The following DLC1 variants were observed in gnomAD, a reference collection of about 807,000 sequenced individuals.
DLC1 encodes DLC1 Rho GTPase activating protein, also known as rho GTPase-activating protein 7.
In DLC1, 54 loss-of-function variants were observed where a neutral mutation model predicts 140.3. The observed-to-expected ratio is 0.38, with a 90% CI of 0.31 to 0.48. The LOEUF (loss-of-function observed/expected upper bound fraction) is 0.48. Among genes scored for constraint, DLC1 ranks in the 20% least tolerant of loss-of-function variants. The pLI, the probability that DLC1 is intolerant of heterozygous loss-of-function variation, is 0.96. For missense variants in DLC1, 2,536 were observed against 1,907.0 expected, an observed-to-expected ratio of 1.33 and a Z score of -6.14; for synonymous variants, 986 against 728.1, an observed-to-expected ratio of 1.35 and a Z score of -5.70.
chr8:13,191,933 AT>A (rs1419092565), intron 5 of DLC1, among the ~76,000 whole-genome samples: 1 of 147,304 alleles, frequency 6.8e-6, no homozygotes, highest in Non-Finnish European at 1.5e-5. Flanking sequence ...CCTGATTATT[AT>A]TATTATTATT....
chr8:13,559,304 A>T (rs1348175171), intron 1 of DLC1: 1 of 152,250 alleles, frequency 6.6e-6, no homozygotes. Flanking sequence ...TCCTGGGTTG[A>T]CAGCTTTCAA....
At chr8:13,312,650 T>C (rs1832725599) in intron 4 of DLC1, among the ~76,000 whole-genome samples, 1 of 152,078 alleles carries the variant, frequency 6.6e-6, no homozygotes, top group African/African-American at 2.4e-5. Flanking sequence ...AAAATGCCTA[T>C]TAAAATTAAT....
At chr8:13,530,752 C>T (rs549654847) in intron 1 of DLC1, among the ~76,000 whole-genome samples, 82 of 152,224 alleles carry the variant, frequency 5.4e-4, no homozygotes, top group Admixed American at 9.8e-4. Flanking sequence ...AGAGTGTGTT[C>T]TGTCAAGATT....
chr8:13,289,429 T>G (rs57368016), intron 5 of DLC1, among the ~76,000 whole-genome samples: 1 of 152,068 alleles, frequency 6.6e-6, no homozygotes, highest in Non-Finnish European at 1.5e-5. Flanking sequence ...TGGCCTCAAG[T>G]GATCCTCCTA....
At chr8:13,419,699 C>G (rs1351015757) in intron 2 of DLC1, among the ~76,000 whole-genome samples, 1 of 152,086 alleles carries the variant, frequency 6.6e-6, no homozygotes, top group East Asian at 1.9e-4. Flanking sequence ...CTCTGCCCAG[C>G]TTTGGTATTA....
chr8:13,378,258 T>G lies in DLC1; in HGVS notation c.1314+15295A>C, dbSNP rs377653403. The stretch of plus-strand genomic sequence containing the variant: ...TCCTAATTCCAGAAAAAAATCTTAG[T>G]AATTGTAAAAGTCTACCTGTCCTAT... On this transcript the variant is annotated intron_variant, in intron 4 of 17. Transcript: ENST00000276297. Among the ~76,000 whole-genome samples the G allele has an allele frequency of 3.5e-3, 521 of 150,836 alleles. 4 individuals carry two copies. The highest frequency in any genetic ancestry group is 0.012 in the African/African-American group (495 of 41,280).
At chr8:13,602,666 T>C (rs1200097945) in intron 1 of DLC1, among the ~76,000 whole-genome samples, 1 of 151,930 alleles carries the variant, frequency 6.6e-6, no homozygotes, top group Non-Finnish European at 1.5e-5. Flanking sequence ...TTTTTGTATA[T>C]GCTCAGAATT....
intron 5 of DLC1, among the ~76,000 whole-genome samples, chr8:13,201,189 A>C (rs142985872): frequency 6.6e-6 from 1 of 152,134 alleles, no homozygotes; most frequent in Non-Finnish European, 1.5e-5. Flanking sequence ...ACTGGATCCA[A>C]GGTTTTGGGA....
intron 5 of DLC1, among the ~76,000 whole-genome samples, chr8:13,163,920 GC>G (rs1002006564): frequency 6.6e-6 from 1 of 152,120 alleles, no homozygotes; most frequent in Non-Finnish European, 1.5e-5. Flanking sequence ...TGGGAGGATT[GC>G]TTGAGCCCAG....
At position 13,099,751 on chromosome 8, in the gene DLC1, T is replaced by C. The variant is rs1379317240; in HGVS notation, c.2586A>G (p.Glu862=). ...AGCTGGAAGAATTGCGTCTCTTCAG[T>C]TCCTTGGGGCTGTCGCTACTGTTTT... ...RRENSSDSPK[E]LKRRNSSSSM... The change falls in exon 9 of 18, where the codon GAA becomes GAG. Residue 862 remains glutamate (E), a synonymous_variant. Transcript: ENST00000276297. The C allele has an allele frequency of 1.9e-6, 3 of 1,614,022 alleles. No individual in the cohort carries two copies. In the African/African-American group the frequency reaches 4.0e-5, roughly 22 times the overall value.
At chr8:13,210,012 G>A (rs1337879207) in intron 5 of DLC1, among the ~76,000 whole-genome samples, 2 of 152,100 alleles carry the variant, frequency 1.3e-5, no homozygotes, top group African/African-American at 4.8e-5. Context: ...TATGACCTTT[G>A]AAATATTAAG....
intron 2 of DLC1, among the ~76,000 whole-genome samples, chr8:13,491,613 A>T (rs1047524643): frequency 6.6e-6 from 1 of 152,176 alleles, no homozygotes; most frequent in African/African-American, 2.4e-5. Flanking sequence ...ATCGTTTGCT[A>T]TTGACTAATT....
intron 16 of DLC1, 34 bp from the exon 17 acceptor site, chr8:13,086,497 A>C (rs1356414020): frequency 3.9e-5 from 62 of 1,601,218 alleles, no homozygotes; most frequent in Non-Finnish European, 5.2e-5. Context: ...GAAATGATGG[A>C]ATTTCATAGA....
intron 5 of DLC1, among the ~76,000 whole-genome samples, chr8:13,140,041 A>G (rs1211690075): frequency 2.0e-5 from 3 of 152,098 alleles, no homozygotes; most frequent in African/African-American, 2.4e-5. Context: ...GAAGCTCAAC[A>G]ATAAACTCCT....
intron 5 of DLC1, among the ~76,000 whole-genome samples, chr8:13,296,079 C>T (rs889362954): frequency 2.0e-5 from 3 of 150,788 alleles, no homozygotes; most frequent in Non-Finnish European, 4.4e-5. Context: ...CCTCAGCCTC[C>T]CGAGTAGCTG....
chr8:13,304,705 A>G (rs933381960), intron 5 of DLC1: 4 of 961,472 alleles, frequency 4.2e-6, no homozygotes, highest in Admixed American at 6.2e-5. Flanking sequence ...CTACCAATCC[A>G]TGTCTAATTT....
intron 4 of DLC1, among the ~76,000 whole-genome samples, chr8:13,312,730 A>C (rs13250038): frequency 0.065 from 9,945 of 152,166 alleles, 450 homozygotes; most frequent in Non-Finnish European, 0.092. Context: ...TTAAATTTGC[A>C]AATTCTTCAG....
intron 2 of DLC1, among the ~76,000 whole-genome samples, chr8:13,433,626 A>G (rs1838983661): frequency 6.6e-6 from 1 of 152,236 alleles, no homozygotes. Flanking sequence ...TCACAGACTG[A>G]AATGAGATTA....
chr8:13,433,151 C>T (rs989678859), intron 2 of DLC1, among the ~76,000 whole-genome samples: 2 of 151,986 alleles, frequency 1.3e-5, no homozygotes, highest in African/African-American at 4.8e-5. Context: ...ACAGGCATTC[C>T]TATTCCATGA....
Sources: allele counts gnomAD v4.1 joint callset (sites outside exome capture counted in the v4.1 genomes callset), GRCh38; gene constraint gnomAD v4.1.1; transcripts MANE v1.5; gene names NCBI Gene and HGNC (gene_info 2026-07-23, HGNC 2026-07-21).